The following SOX6 variants were observed in gnomAD, a reference collection of about 807,000 sequenced individuals.
The protein encoded by SOX6 is SRY-box transcription factor 6, also known as transcription factor SOX-6.
SOX6 carries 11 observed loss-of-function variants against 97.8 expected under a neutral mutation model. That is an observed-to-expected ratio of 0.11 (90% CI 0.07 to 0.19). SOX6 has a LOEUF of 0.19. SOX6 is among the 10% of genes least tolerant of loss of function. The pLI is 1.00. For missense variants in SOX6, 810 were observed against 1,039.5 expected, an observed-to-expected ratio of 0.78 and a Z score of 3.04; for synonymous variants, 360 against 371.4, an observed-to-expected ratio of 0.97 and a Z score of 0.35.
At chr11:16,225,449 G>GA (rs893971460) in intron 4 of SOX6, among the ~76,000 whole-genome samples, 2 of 50,744 alleles carry the variant, frequency 3.9e-5, no homozygotes, top group South Asian at 9.6e-4. Flanking sequence ...GCCTAAAACA[G>GA]AAAAAAGTAG....
intron 4 of SOX6, among the ~76,000 whole-genome samples, chr11:16,191,843 T>G (rs930824104): frequency 6.5e-5 from 9 of 137,782 alleles, no homozygotes; most frequent in Non-Finnish European, 8.0e-5. Flanking sequence ...TGCAGCAGGG[T>G]TTTTTTTTTC....
rs1590238447 is a variant in SOX6, at chr11:16,540,935, T to A, written n.610-64547A>T. Among the ~76,000 whole-genome samples, 5 of 152,328 alleles carry A rather than the reference T, an allele frequency of 3.3e-5. No individual in the cohort carries two copies. In the South Asian group the frequency reaches 1.0e-3, roughly 32 times the overall value. On this transcript the variant is annotated intron_variant and non_coding_transcript_variant, in intron 4 of 5. Coordinates refer to the SOX6 transcript ENST00000524520. ...AGATTCAATGCCATCCCCATCAAGC[T>A]ACCAATGACTTTCTTCACAGAATTG...
intron 2 of SOX6, among the ~76,000 whole-genome samples, chr11:16,320,433 G>A (rs1855883072): frequency 6.6e-6 from 1 of 152,130 alleles, no homozygotes; most frequent in Non-Finnish European, 1.5e-5. Flanking sequence ...CTCAACAAAT[G>A]CTAGGTATTT....
chr11:16,228,767 C>A (rs745984719), intron 4 of SOX6, among the ~76,000 whole-genome samples: 3 of 152,140 alleles, frequency 2.0e-5, no homozygotes, highest in Non-Finnish European at 4.4e-5. Context: ...AAACTTCATG[C>A]TGTCCACCTT....
intron 4 of SOX6, among the ~76,000 whole-genome samples, chr11:16,604,920 G>A (rs1019958658): frequency 6.6e-6 from 1 of 152,152 alleles, no homozygotes; most frequent in African/African-American, 2.4e-5. Flanking sequence ...GAGCGCCGGG[G>A]AAGCAGCCCG....
intron 13 of SOX6, among the ~76,000 whole-genome samples, chr11:15,998,289 A>G (rs1034987565): frequency 6.0e-5 from 9 of 150,716 alleles, no homozygotes; most frequent in Admixed American, 4.6e-4. Flanking sequence ...TCTTTATACT[A>G]GCAACAAACA....
chr11:16,706,464 AAAAAAAAATATATATATATAT>A (rs1564873482), intron 3 of SOX6, among the ~76,000 whole-genome samples: 2 of 21,212 alleles, frequency 9.4e-5, no homozygotes, highest in Non-Finnish European at 1.9e-4. Flanking sequence ...AAAAAAAAAA[AAAAAAAAATATATATATATAT>A]ATATATATAT....
intron 3 of SOX6, among the ~76,000 whole-genome samples, chr11:16,632,419 G>A (rs572074498): frequency 0.011 from 1,706 of 152,244 alleles, 23 homozygotes; most frequent in African/African-American, 0.039. Flanking sequence ...TCAGCTTTTA[G>A]CTTGTCTGGA....
At chr11:16,533,599 A>C (rs887020765) in intron 4 of SOX6, among the ~76,000 whole-genome samples, 2 of 152,016 alleles carry the variant, frequency 1.3e-5, no homozygotes, top group Non-Finnish European at 2.9e-5. Context: ...ATATACCCTC[A>C]TTGAAAATAT....
chr11:16,007,557 G>A (rs772608280), intron 13 of SOX6, among the ~76,000 whole-genome samples: 2 of 152,066 alleles, frequency 1.3e-5, no homozygotes, highest in Non-Finnish European at 2.9e-5. Flanking sequence ...ACGGCCAATT[G>A]ATCAAAGTTT....
chr11:16,729,055 A>T (rs1848329007), intron 2 of SOX6, among the ~76,000 whole-genome samples: 2 of 151,832 alleles, frequency 1.3e-5, no homozygotes, highest in Admixed American at 1.3e-4. Flanking sequence ...GAAATGAACA[A>T]AGCCTCCAAG....
upstream of SOX6, among the ~76,000 whole-genome samples, chr11:16,361,532 C>A (rs984119631): frequency 6.6e-5 from 10 of 152,134 alleles, no homozygotes; most frequent in Non-Finnish European, 1.0e-4. Flanking sequence ...GCCATTTTTG[C>A]ATAATTTTCT....
chr11:16,264,704 C>T (rs1854016806), intron 3 of SOX6: 1 of 151,702 alleles, frequency 6.6e-6, no homozygotes, highest in Admixed American at 6.6e-5. Context: ...ATACCTGTTT[C>T]TTCACAACCT....
intron 1 of SOX6, among the ~76,000 whole-genome samples, chr11:16,419,721 T>C (rs1440686686): frequency 1.3e-5 from 2 of 152,168 alleles, no homozygotes; most frequent in Non-Finnish European, 2.9e-5. Context: ...TTCCTATCCA[T>C]AAACTGTTAC....
chr11:16,058,998 T>TTGGTTA (rs1847883395), intron 9 of SOX6, among the ~76,000 whole-genome samples: 1 of 152,100 alleles, frequency 6.6e-6, no homozygotes, highest in South Asian at 2.1e-4. Flanking sequence ...ACATGATGCC[T>TTGGTTA]TCAATTCCTA....
chr11:16,196,199 G>C (rs1851769532), intron 4 of SOX6, among the ~76,000 whole-genome samples: 1 of 152,152 alleles, frequency 6.6e-6, no homozygotes, highest in African/African-American at 2.4e-5. Flanking sequence ...TATGAAGTAG[G>C]TCATATTGTT....
At chr11:16,290,698 A>G (rs1854886522) in intron 3 of SOX6, among the ~76,000 whole-genome samples, 1 of 152,080 alleles carries the variant, frequency 6.6e-6, no homozygotes, top group Admixed American at 6.6e-5. Context: ...CATAGGAGCA[A>G]TCTCAATGTA....
chr11:16,632,236 G>T (rs1373768553), intron 3 of SOX6, among the ~76,000 whole-genome samples: 1 of 152,118 alleles, frequency 6.6e-6, no homozygotes, highest in Non-Finnish European at 1.5e-5. Flanking sequence ...TTTCATGTGG[G>T]TAGGATTTTT....
intron 1 of SOX6, chr11:16,402,821 C>T: frequency 6.4e-7 from 1 of 1,558,906 alleles, no homozygotes; most frequent in Non-Finnish European, 8.7e-7. Context: ...TTGAAGCTCA[C>T]CATGACCTTT....
Sources: allele counts gnomAD v4.1 joint callset (sites outside exome capture counted in the v4.1 genomes callset), GRCh38; gene constraint gnomAD v4.1.1; transcripts MANE v1.5; gene names NCBI Gene and HGNC (gene_info 2026-07-23, HGNC 2026-07-21).